The following DNAH11 variants were observed in gnomAD, a reference collection of about 807,000 sequenced individuals.
The protein encoded by DNAH11 is axonemal beta dynein heavy chain 11.
A neutral mutation model predicts 526.0 loss-of-function variants in DNAH11; 442 were observed. The observed-to-expected ratio is 0.84, with a 90% CI of 0.78 to 0.91. The LOEUF (loss-of-function observed/expected upper bound fraction) is 0.91, where lower values mean the gene tolerates loss of function less well. DNAH11 is among the 40% of genes least tolerant of loss of function. DNAH11 has a pLI of 0.00. For synonymous variants in DNAH11, 2,461 were observed against 1,935.9 expected (o/e 1.27, Z -7.12); for missense variants, 6,989 against 5,448.7 (o/e 1.28, Z -8.90).
Position 21,868,004 on chromosome 7 carries a change from C to T in DNAH11, c.11836C>T (p.Leu3946Phe). The T allele has an allele frequency of 6.5e-7, 1 of 1,531,540 alleles. No individual in the cohort carries two copies. The allele number at this position is 1,531,540 out of a possible 1,614,324, so 94.9% of individuals were successfully genotyped here. A position where few individuals can be genotyped will look rare whatever the true frequency, so the allele number is the denominator to read the frequency against. The change falls in exon 72 of 82, where the codon CTT (leucine) becomes TTT (phenylalanine). Residue 3946 changes from leucine (L) to phenylalanine (F), a missense_variant. Leu to Phe is a conservative substitution (Grantham distance 22). Transcript: ENST00000409508. ...AGATGCCCTTAAAGACCTGGAGATT[C>T]TTGGTGAGTGGCTGGGAGGCTCGCT... ...GVDALKDLEILGKRLGFTIDS... is the reference protein window; with the variant it reads ...GVDALKDLEIFGKRLGFTIDS...
chr7:21,545,295 AAG>A, intron 2 of DNAH11, 146 bp downstream of exon 2: 1 of 704,020 alleles, frequency 1.4e-6, no homozygotes, highest in Non-Finnish European at 2.2e-6. Context: ...AAAAAAAAAA[AAG>A]CTTGTAGAAG....
At position 21,635,921 on chromosome 7, in the gene DNAH11, G is replaced by A. The variant is rs376906297; in HGVS notation, c.4551G>A (p.Glu1517=). ...LQSKYVEYFI[E]QVLSWQNKLN... is the part of the protein sequence containing the mutation. The stretch of plus-strand genomic sequence containing the variant: ...GCAAGTATGTAGAATATTTCATTGA[G>A]CAAGTGTTAAGCTGGCAAAATAAAT... Residue 1517 remains glutamate (E), a synonymous_variant, in exon 26 of 82, where the codon GAG becomes GAA. Coordinates refer to ENST00000409508, the MANE Select transcript of DNAH11 (RefSeq NM_001277115.2). The A allele has an allele frequency of 6.8e-6, 11 of 1,613,286 alleles. No individual in the cohort carries two copies. The highest frequency in any genetic ancestry group is 7.6e-6 in the Non-Finnish European group (9 of 1,179,580).
At chr7:21,596,795 CT>C (rs1784879078) in intron 14 of DNAH11, among the ~76,000 whole-genome samples, 1 of 152,154 alleles carries the variant, frequency 6.6e-6, no homozygotes, top group Non-Finnish European at 1.5e-5. Context: ...AACTAGGAAG[CT>C]TTGAAATCAC....
rs1785930843 is a variant in DNAH11 at position 21,742,086 on chromosome 7, A to G, written c.8074A>G (p.Thr2692Ala). The change falls in exon 49 of 82, where the codon ACA becomes GCA. Residue 2692 changes from threonine (T) to alanine (A), a missense_variant. Transcript: ENST00000409508. ...CCAGGCAACAATAGCATTCCATCAGACAATGATGTGTAACTTTTTACCCAC... is the reference window on the plus strand; with the variant it reads ...CCAGGCAACAATAGCATTCCATCAGGCAATGATGTGTAACTTTTTACCCAC... Reference protein sequence around the residue: ...LIQATIAFHQTMMCNFLPTAI... With the variant: ...LIQATIAFHQAMMCNFLPTAI... 3 of 1,613,822 alleles carry G rather than the reference A, an allele frequency of 1.9e-6. No homozygotes were observed. The African/African-American group carries it at 4.0e-5, about 22-fold the overall frequency.
At chr7:21,717,354 TTTTATTCGTAACTGA>T (rs1784706707) in intron 42 of DNAH11, among the ~76,000 whole-genome samples, 1 of 152,120 alleles carries the variant, frequency 6.6e-6, no homozygotes, top group African/African-American at 2.4e-5. Context: ...ATTTTCATCT[TTTTATTCGTAACTGA>T]TTTCTTATTA....
intron 25 of DNAH11, among the ~76,000 whole-genome samples, chr7:21,628,684 C>T (rs1786462528): frequency 6.6e-6 from 1 of 151,926 alleles, no homozygotes; most frequent in Admixed American, 6.6e-5. Flanking sequence ...TGTTGAATTC[C>T]ATCAGCTAAT....
chr7:21,611,065 A>C (rs757822742), intron 20 of DNAH11, among the ~76,000 whole-genome samples: 4 of 152,070 alleles, frequency 2.6e-5, no homozygotes, highest in Non-Finnish European at 5.9e-5. Flanking sequence ...CACAGGAGAG[A>C]CTGGTTTGTA....
Position 21,717,917 on chromosome 7 carries a change from C to T in DNAH11, c.7126C>T (p.Leu2376=), listed in dbSNP as rs549049467. 17 of 1,612,326 alleles carry T rather than the reference C, an allele frequency of 1.1e-5. No individual in the cohort carries two copies. The highest frequency in any genetic ancestry group is 1.4e-5 in the Non-Finnish European group (17 of 1,178,930). ...CATCACTTCAATTCCTGAGAGTAGC[C>T]TGGTGCAGGTTTGTCTTCGGTTACG... The part of the protein sequence containing the change: ...KTITSIPESS[L]VQTLCVLLEC... Residue 2376 remains leucine (L), a synonymous_variant, in exon 43 of 82, where the codon CTG becomes TTG. Transcript: ENST00000409508.
intron 20 of DNAH11, among the ~76,000 whole-genome samples, chr7:21,607,312 GC>G (rs897600106): frequency 2.6e-5 from 4 of 152,100 alleles, no homozygotes; most frequent in African/African-American, 9.7e-5. Flanking sequence ...AGCTGTGCTG[GC>G]AGCTGATTAG....
At chr7:21,683,606 C>G (rs187265622) in intron 31 of DNAH11, among the ~76,000 whole-genome samples, 178 bp from the exon 32 acceptor site, 2 of 152,224 alleles carry the variant, frequency 1.3e-5, no homozygotes, top group Admixed American at 6.5e-5. Context: ...ACTTATTACA[C>G]GCATATTTCT....
At position 21,777,104 on chromosome 7, in the gene DNAH11, C is replaced by T. The variant is rs375781232; in HGVS notation, c.9337-1854C>T. Among the ~76,000 whole-genome samples, 13 of 152,270 alleles carry T rather than the reference C, an allele frequency of 8.5e-5. No homozygotes were observed. The East Asian group carries it at 2.3e-3, about 27-fold the overall frequency. ...TTACCCCCCACTTCTTCCCCACCTC[C>T]TGAATCCTAGTTCCTGGCCATCACT... On this transcript the variant is annotated intron_variant, in intron 56 of 81. Coordinates refer to ENST00000409508, the MANE Select transcript of DNAH11 (RefSeq NM_001277115.2).
At position 21,687,102 on chromosome 7, in the gene DNAH11, T is replaced by C. The variant is rs368967707; in HGVS notation, c.5625T>C (p.Cys1875=). 45 of 1,612,150 alleles carry C rather than the reference T, an allele frequency of 2.8e-5. No individual in the cohort carries two copies. The African/African-American group carries it at 4.8e-4, about 17-fold the overall frequency. Residue 1875 remains cysteine (C), a synonymous_variant, in exon 33 of 82, where the codon TGT becomes TGC. Coordinates refer to ENST00000409508, the MANE Select transcript of DNAH11 (RefSeq NM_001277115.2). The part of the protein sequence containing the change: ...RLVITPLTDR[C]YITLTQSLHL... ...TTGTGTTTTCTATTGCTTAAAGGTG[T>C]TATATTACCTTAACTCAATCACTTC...
At chr7:21,571,289 C>CT (rs1562668980) in intron 7 of DNAH11, among the ~76,000 whole-genome samples, 1 of 151,806 alleles carries the variant, frequency 6.6e-6, no homozygotes, top group East Asian at 1.9e-4. Flanking sequence ...TTTTTGTTTT[C>CT]TTTTTTTTAG....
chr7:21,782,164 C>A (rs1368810318), intron 57 of DNAH11, among the ~76,000 whole-genome samples: 2 of 152,194 alleles, frequency 1.3e-5, no homozygotes, highest in Non-Finnish European at 2.9e-5. Flanking sequence ...GTGATCACCA[C>A]TAATCTTAAG....
At chr7:21,773,607 C>G (rs557555127) in intron 55 of DNAH11, among the ~76,000 whole-genome samples, 159 bp from the exon 56 acceptor site, 1 of 152,134 alleles carries the variant, frequency 6.6e-6, no homozygotes, top group South Asian at 2.1e-4. Context: ...TCTCCCAAAT[C>G]CTGTGGATAG....
intron 79 of DNAH11, among the ~76,000 whole-genome samples, chr7:21,897,368 C>A (rs1356284387): frequency 6.6e-6 from 1 of 152,148 alleles, no homozygotes; most frequent in Non-Finnish European, 1.5e-5. Flanking sequence ...ATAACACCCT[C>A]AGTTGGAGGC....
chr7:21,559,718 C>A lies in DNAH11; in HGVS notation c.808C>A (p.Leu270Ile). Reference sequence around the variant, plus strand: ...TTCAGTGCAGCGTTTGTTGAATGGTCTTCACTTGTCTCCTCAAGCAGAACT... The same window carrying A: ...TTCAGTGCAGCGTTTGTTGAATGGTATTCACTTGTCTCCTCAAGCAGAACT... ...RDSVQRLLNG[L>I]HLSPQAELDF... The change falls in exon 4 of 82, where the codon CTT becomes ATT. Residue 270 changes from leucine (L) to isoleucine (I), a missense_variant. Physicochemically the swap from Leu to Ile is conservative, Grantham distance 5 (BLOSUM62 2). Transcript: ENST00000409508. The A allele has an allele frequency of 1.2e-6, 2 of 1,609,666 alleles. No homozygotes were observed. The highest frequency in any genetic ancestry group is 1.7e-6 in the Non-Finnish European group (2 of 1,177,814).
chr7:21,557,343 C>A (rs1783258904), intron 2 of DNAH11, among the ~76,000 whole-genome samples: 1 of 152,174 alleles, frequency 6.6e-6, no homozygotes, highest in African/African-American at 2.4e-5. Flanking sequence ...AGGTTGCTAT[C>A]ACAAAATACC....
chr7:21,612,390 C>T (rs1785560281), intron 20 of DNAH11, among the ~76,000 whole-genome samples: 1 of 151,702 alleles, frequency 6.6e-6, no homozygotes, highest in South Asian at 2.1e-4. Flanking sequence ...CCTGTCTCTA[C>T]TAAAAATACA....
Sources: allele counts gnomAD v4.1 joint callset (sites outside exome capture counted in the v4.1 genomes callset), GRCh38; gene constraint gnomAD v4.1.1; transcripts MANE v1.5; gene names NCBI Gene and HGNC (gene_info 2026-07-23, HGNC 2026-07-21).